The following MYO3B variants were observed in gnomAD, a reference collection of about 807,000 sequenced individuals.
MYO3B encodes myosin IIIB.
In MYO3B, 156 loss-of-function variants were observed where a neutral mutation model predicts 174.6. The ratio of observed to expected loss-of-function variants is 0.89; its 90% CI spans 0.78 to 1.02. The LOEUF (loss-of-function observed/expected upper bound fraction) is 1.02. MYO3B is among the 50% of genes least tolerant of loss of function. The pLI, the probability that MYO3B is intolerant of heterozygous loss-of-function variation, is 0.00. For synonymous variants in MYO3B, 563 were observed against 569.1 expected (o/e 0.99, Z 0.15); for missense variants, 1,632 against 1,639.4 (o/e 1.00, Z 0.08).
At chr2:170,557,089 T>G (rs1691363858) in intron 32 of MYO3B, among the ~76,000 whole-genome samples, 1 of 152,118 alleles carries the variant, frequency 6.6e-6, no homozygotes, top group East Asian at 1.9e-4. Context: ...TTGTTTTTCT[T>G]TCCAACTTTT....
chr2:170,385,097 C>T (rs1294804009), intron 12 of MYO3B, among the ~76,000 whole-genome samples: 1 of 152,020 alleles, frequency 6.6e-6, no homozygotes, highest in Non-Finnish European at 1.5e-5. Flanking sequence ...AGAAGAGACA[C>T]ATGGGGCAGG....
intron 7 of MYO3B, among the ~76,000 whole-genome samples, chr2:170,307,102 G>A (rs1200910983): frequency 6.6e-6 from 1 of 151,924 alleles, no homozygotes; most frequent in Non-Finnish European, 1.5e-5. Flanking sequence ...AATTAGCTGA[G>A]TGTGATCGTG....
At chr2:170,266,420 G>A (rs998532637) in intron 7 of MYO3B, among the ~76,000 whole-genome samples, 1 of 151,964 alleles carries the variant, frequency 6.6e-6, no homozygotes, top group Non-Finnish European at 1.5e-5. Context: ...GCTGGTTATG[G>A]GCTAATTACA....
At chr2:170,401,418 C>A in intron 17 of MYO3B, 63 bp from the exon 18 acceptor site, 2 of 1,473,746 alleles carry the variant, frequency 1.4e-6, no homozygotes, top group Non-Finnish European at 9.4e-7. Flanking sequence ...TGAATAAATG[C>A]TGAACAGACT....
At chr2:170,575,723 A>G (rs1692744100) in intron 32 of MYO3B, among the ~76,000 whole-genome samples, 1 of 152,206 alleles carries the variant, frequency 6.6e-6, no homozygotes, top group East Asian at 1.9e-4. Context: ...GGCAGTCCTT[A>G]CTTTCTTCCT....
chr2:170,452,622 G>A (rs1683662287), intron 23 of MYO3B, among the ~76,000 whole-genome samples: 2 of 151,982 alleles, frequency 1.3e-5, no homozygotes, highest in South Asian at 4.1e-4. Flanking sequence ...CAATATTTTT[G>A]GCCTTTGAAT....
At position 170,621,515 on chromosome 2, in the gene MYO3B, G is replaced by GTT. The variant is rs145064554; in HGVS notation, c.3734-30107_3734-30106dup. On this transcript the variant is annotated intron_variant, in intron 32 of 34. Coordinates refer to ENST00000408978, the MANE Select transcript of MYO3B (RefSeq NM_138995.5). ...ACTGGAAATGTTTTTTTGTTTTTTTGTTTTTTTGTTTTTGAGACAGAGTCT... is the reference window on the plus strand; with the variant it reads ...ACTGGAAATGTTTTTTTGTTTTTTTGTTTTTTTTTGTTTTTGAGACAGAGTCT... Among the ~76,000 whole-genome samples the GTT allele has an allele frequency of 4.3e-3, 617 of 144,732 alleles. 2 individuals carry two copies. The highest frequency in any genetic ancestry group is 7.3e-3 in the East Asian group (36 of 4,930). The allele number at this position is 144,732 out of a possible 152,430, so 94.9% of individuals were successfully genotyped here. A position where few individuals can be genotyped will look rare whatever the true frequency, so the allele number is the denominator to read the frequency against.
intron 6 of MYO3B, among the ~76,000 whole-genome samples, chr2:170,227,982 C>T (rs1391177810): frequency 6.6e-6 from 1 of 152,046 alleles, no homozygotes; most frequent in Non-Finnish European, 1.5e-5. Flanking sequence ...TTCTCCTTGT[C>T]CTTAACATAC....
chr2:170,211,523 G>C (rs2092770412), intron 3 of MYO3B, among the ~76,000 whole-genome samples: 1 of 151,832 alleles, frequency 6.6e-6, no homozygotes, highest in Non-Finnish European at 1.5e-5. Context: ...TATTTTCGAA[G>C]GGGATAAGGG....
intron 25 of MYO3B, among the ~76,000 whole-genome samples, chr2:170,478,063 G>A (rs534398841): frequency 6.6e-6 from 1 of 152,274 alleles, no homozygotes; most frequent in East Asian, 1.9e-4. Flanking sequence ...AATGGCTAAG[G>A]CAGCCACGTC....
At chr2:170,461,466 CAAAAAAAAAA>C (rs1178003357) in intron 23 of MYO3B, among the ~76,000 whole-genome samples, 1 of 42,306 alleles carries the variant, frequency 2.4e-5, no homozygotes, top group Non-Finnish European at 4.9e-5. Flanking sequence ...AACTCAGTCT[CAAAAAAAAAA>C]AAAAAAAAAA....
chr2:170,433,839 A>G (rs1443384631), intron 22 of MYO3B, among the ~76,000 whole-genome samples: 2 of 152,206 alleles, frequency 1.3e-5, no homozygotes, highest in East Asian at 3.9e-4. Flanking sequence ...TTCTTACAAT[A>G]TATCCCTGTC....
chr2:170,623,343 A>G (rs956296083), intron 32 of MYO3B, among the ~76,000 whole-genome samples: 1 of 152,150 alleles, frequency 6.6e-6, no homozygotes, highest in South Asian at 2.1e-4. Context: ...GCATTTTTTC[A>G]TATGTTTGTT....
At chr2:170,370,624 TACACACAC>T (rs55790344) in intron 9 of MYO3B, among the ~76,000 whole-genome samples, 20,019 of 129,262 alleles carry the variant, frequency 0.15, 1,605 homozygotes, top group East Asian at 0.22. Flanking sequence ...ACCACCCACC[TACACACAC>T]ACACACACAC....
At chr2:170,634,373 A>G (rs1224566907) in intron 32 of MYO3B, among the ~76,000 whole-genome samples, 1 of 152,230 alleles carries the variant, frequency 6.6e-6, no homozygotes, top group Non-Finnish European at 1.5e-5. Flanking sequence ...TGGGGAAAGG[A>G]TTCCCTATTT....
chr2:170,274,254 A>G (rs935841681), intron 7 of MYO3B, among the ~76,000 whole-genome samples: 6 of 152,298 alleles, frequency 3.9e-5, no homozygotes, highest in African/African-American at 1.4e-4. Context: ...GGATTAATCC[A>G]AATTTCCAGC....
At chr2:170,630,054 G>C (rs757198991) in intron 32 of MYO3B, among the ~76,000 whole-genome samples, 8 of 152,192 alleles carry the variant, frequency 5.3e-5, no homozygotes, top group Non-Finnish European at 1.0e-4. Flanking sequence ...ATTGAGACTG[G>C]TCAGAAAGTG....
chr2:170,453,727 T>C (rs1404541524), intron 23 of MYO3B, among the ~76,000 whole-genome samples: 2 of 152,228 alleles, frequency 1.3e-5, no homozygotes, highest in African/African-American at 4.8e-5. Context: ...ATAGTCTGCA[T>C]GAGGAACTGA....
intron 7 of MYO3B, among the ~76,000 whole-genome samples, chr2:170,285,464 G>A (rs2105403643): frequency 6.6e-6 from 1 of 152,010 alleles, no homozygotes; most frequent in African/African-American, 2.4e-5. Flanking sequence ...AGGTTCAAGT[G>A]ATTCTCCTGC....
Sources: allele counts gnomAD v4.1 joint callset (sites outside exome capture counted in the v4.1 genomes callset), GRCh38; gene constraint gnomAD v4.1.1; transcripts MANE v1.5; gene names NCBI Gene and HGNC (gene_info 2026-07-23, HGNC 2026-07-21).